KDM5D: variants seen among roughly 807,000 people sequenced by gnomAD.
KDM5D encodes lysine-specific demethylase 5D.
A neutral mutation model predicts 31.9 loss-of-function variants in KDM5D; 25 were observed. The observed-to-expected ratio is 0.78, with a 90% CI of 0.57 to 1.09. The LOEUF is 1.09. Ranked by LOEUF, KDM5D falls within the 50% of genes least tolerant of loss-of-function variation. KDM5D has a pLI of 0.00. For synonymous variants in KDM5D, 146 were observed against 122.3 expected (o/e 1.19, Z -1.28); for missense variants, 366 against 341.6 (o/e 1.07, Z -0.56).
chrY:19,729,214 C>CA (rs2045456215), intron 11 of KDM5D, among the ~76,000 whole-genome samples: 1 of 27,826 alleles, frequency 3.6e-5, no homozygotes, highest in African/African-American at 1.4e-4. Flanking sequence ...GACTGCGTCT[C>CA]AAAAAAAAAT....
chrY:19,707,349 T>C lies in KDM5D; in HGVS notation c.3797A>G (p.Gln1266Arg). ...PVRLPEGEAL[Q>R]CLTERAIGWQ... ...GCCAATGGCCCTCTCTGTGAGACACTGAAGGGCCTCACCCTCAGGCAGCCG... is the reference window on the plus strand; with the variant it reads ...GCCAATGGCCCTCTCTGTGAGACACCGAAGGGCCTCACCCTCAGGCAGCCG... The change falls in exon 24 of 27, where the codon CAG becomes CGG. Residue 1266 changes from glutamine (Q) to arginine (R), a missense_variant. Physicochemically the swap from Gln to Arg is conservative, Grantham distance 43. Transcript: ENST00000317961. The C allele has an allele frequency of 5.1e-6, 2 of 395,640 alleles. No individual in the cohort carries two copies. The highest frequency in any genetic ancestry group is 7.1e-6 in the Non-Finnish European group (2 of 281,599).
In KDM5D at chrY:19,744,390, G is replaced by A; in HGVS notation, c.145C>T (p.Pro49Ser). Residue 49 changes from proline (P) to serine (S), a missense_variant, in exon 2 of 27, where the codon CCC becomes TCC. Pro to Ser is a moderately conservative substitution (Grantham distance 74, BLOSUM62 -1). Transcript: ENST00000317961. The stretch of plus-strand genomic sequence containing the variant: ...ATTTTGTTTCAAAGACTTACCGCGG[G>A]TGGGCGGATTTTGCAGATGCCAGAC... ...EKSGICKIRP[P>S]ADWQPPFAVE... The A allele has an allele frequency of 2.6e-6, 1 of 389,317 alleles. No homozygotes were observed. Among genetic ancestry groups the A allele is most frequent in the Non-Finnish European group, 3.6e-6 (1 of 278,103 alleles).
At position 19,732,584 on chromosome Y, in the gene KDM5D, C is replaced by T; in HGVS notation, c.1092G>A (p.Ala364=). 2.6e-6 allele frequency: 1 copy of T among 387,897 alleles called. No homozygotes were observed. Among genetic ancestry groups the T allele is most frequent in the Non-Finnish European group, 3.6e-6 (1 of 278,528 alleles). The change falls in exon 9 of 27, where the codon GCG becomes GCA. Residue 364 remains alanine, a splice_region_variant and synonymous_variant. Coordinates refer to ENST00000317961, the MANE Select transcript of KDM5D (RefSeq NM_004653.5). Reference sequence around the variant, plus strand: ...AGCATCTGTGACAGACAGATCTTACCGCCAAGATACATTTTGGGCACCTCC... The same window carrying T: ...AGCATCTGTGACAGACAGATCTTACTGCCAAGATACATTTTGGGCACCTCC... ...GIWRCPKCIL[A]ECKQPPEAFG... is the part of the protein sequence containing the mutation.
At chrY:19,732,974 T>A in intron 8 of KDM5D, among the ~76,000 whole-genome samples, 2 of 32,881 alleles carry the variant, frequency 6.1e-5, no homozygotes, top group African/African-American at 1.2e-4. Context: ...TTCAACGGCG[T>A]AAACAAAAAT....
Position 19,705,152 on chromosome Y carries a change from G to C in KDM5D, c.*843C>G. 5.9e-5 allele frequency: 2 copies of C among 33,766 alleles called. No individual in the cohort carries two copies. The highest frequency in any genetic ancestry group is 2.3e-4 in the African/African-American group (2 of 8,652). The allele number at this position is 33,766 out of a possible 400,897, so 8.4% of individuals were successfully genotyped here. A position where few individuals can be genotyped will look rare whatever the true frequency, so the allele number is the denominator to read the frequency against. ...CAAGTTAACTCAGATATTGGCACAT[G>C]CAAGTCCAGCCAACAGATTTTCAAT... is the stretch of plus-strand genomic sequence containing the variant. On this transcript the variant is annotated 3_prime_UTR_variant, in exon 27 of 27. Transcript: ENST00000317961.
chrY:19,706,660 G>T lies in KDM5D; in HGVS notation c.4070-20C>A. ...CCAGGTCTGGGCGGAAGGTGGTGCG[G>T]TGAAAGGTGCAGGGACAGACTGGGT... On this transcript the variant is annotated intron_variant, in intron 25 of 26. Transcript: ENST00000317961. 2.5e-6 allele frequency: 1 copy of T among 394,905 alleles called. No homozygotes were observed. Among genetic ancestry groups the T allele is most frequent in the Non-Finnish European group, 3.6e-6 (1 of 280,194 alleles).
chrY:19,725,311 A>C (rs2045422551), intron 11 of KDM5D, among the ~76,000 whole-genome samples: 1 of 33,571 alleles, frequency 3.0e-5, no homozygotes, highest in African/African-American at 1.2e-4. Context: ...ACTTCAAACT[A>C]TAGTACAAGG....
At chrY:19,720,207 A>G (rs920109391) in intron 13 of KDM5D, among the ~76,000 whole-genome samples, 2 of 33,071 alleles carry the variant, frequency 6.0e-5, no homozygotes, top group African/African-American at 2.4e-4. Flanking sequence ...TCATCAATAT[A>G]TTTTTCTTGT....
intron 11 of KDM5D, among the ~76,000 whole-genome samples, chrY:19,731,424 C>T: frequency 3.0e-5 from 1 of 33,464 alleles, no homozygotes; most frequent in Admixed American, 2.7e-4. Flanking sequence ...TTCCGCCCTT[C>T]CAAATATTTC....
chrY:19,710,347 G>A, intron 19 of KDM5D, 29 bp downstream of exon 19: 1 of 368,381 alleles, frequency 2.7e-6, no homozygotes, highest in East Asian at 1.0e-4. Context: ...CTGTTAACAA[G>A]AATTCCACCT....
At chrY:19,734,225 G>A in intron 8 of KDM5D, among the ~76,000 whole-genome samples, 3 of 33,447 alleles carry the variant, frequency 9.0e-5, no homozygotes, top group African/African-American at 3.5e-4. Context: ...GTCTACATAC[G>A]TTACCTAGAA....
chrY:19,740,959 C>T (rs899206259), intron 5 of KDM5D, among the ~76,000 whole-genome samples: 3 of 32,800 alleles, frequency 9.1e-5, no homozygotes, highest in Admixed American at 2.8e-4. Flanking sequence ...CCAGCCTGGG[C>T]AACACAGCAA....
Position 19,715,866 on chromosome Y carries a change from T to C in KDM5D, c.2170A>G (p.Ile724Val). Reference sequence around the variant, plus strand: ...CTAGAGCACTTGCAGAGGTCATTGATGTGGGAAAGGCATACAAGGCCATCT... The same window carrying C: ...CTAGAGCACTTGCAGAGGTCATTGACGTGGGAAAGGCATACAAGGCCATCT... ...CPDGLVCLSH[I>V]NDLCKCSSSR... The change falls in exon 16 of 27, where the codon ATC (isoleucine) becomes GTC (valine). Residue 724 changes from isoleucine (I) to valine (V), a missense_variant. Physicochemically the swap from Ile to Val is conservative, Grantham distance 29 (BLOSUM62 3). Coordinates refer to ENST00000317961, the MANE Select transcript of KDM5D (RefSeq NM_004653.5). 2 of 398,909 alleles carry C rather than the reference T, an allele frequency of 5.0e-6. No homozygotes were observed. Among genetic ancestry groups the C allele is most frequent in the East Asian group, 9.2e-5 (1 of 10,846 alleles).
intron 13 of KDM5D, among the ~76,000 whole-genome samples, chrY:19,717,239 T>G: frequency 3.0e-5 from 1 of 33,821 alleles, no homozygotes; most frequent in African/African-American, 1.2e-4. Flanking sequence ...AAGCAGCTAC[T>G]GTGGGAAAGC....
intron 3 of KDM5D, 77 bp from the exon 4 acceptor site, chrY:19,741,934 A>G (rs2045556581): frequency 4.3e-6 from 1 of 233,444 alleles, no homozygotes; most frequent in Non-Finnish European, 6.5e-6. Context: ...ATGAACAAGT[A>G]TTATTCTATG....
At chrY:19,738,493 C>A (rs2045524918) in intron 6 of KDM5D, among the ~76,000 whole-genome samples, 3 of 33,733 alleles carry the variant, frequency 8.9e-5, no homozygotes, top group Non-Finnish European at 2.2e-4. Context: ...TAAGGTATTT[C>A]AGAAATAAAA....
chrY:19,728,162 A>G, intron 11 of KDM5D, among the ~76,000 whole-genome samples: 1 of 33,155 alleles, frequency 3.0e-5, no homozygotes, highest in Non-Finnish European at 7.4e-5. Flanking sequence ...ACTAAAAGAG[A>G]TATTATAGCA....
At chrY:19,716,811 A>G in intron 13 of KDM5D, 96 bp from the exon 14 acceptor site, 1 of 232,809 alleles carries the variant, frequency 4.3e-6, no homozygotes, top group South Asian at 3.8e-5. Flanking sequence ...CAGATGTAGG[A>G]AGAGTGGAAA....
In KDM5D at chrY:19,709,564, C is replaced by G; in HGVS notation, c.2829G>C (p.Met943Ile). The G allele has an allele frequency of 2.5e-5, 10 of 398,910 alleles. No individual in the cohort carries two copies. The highest frequency in any genetic ancestry group is 3.2e-5 in the Non-Finnish European group (9 of 283,564). ...SLVIMQGLLV[M>I]GAKIASSPSV... ...AAGGGCTGGAGGCTATCTTGGCACC[C>G]ATAACCAAAAGCCCCTGCATGATGA... The change falls in exon 20 of 27, where the codon ATG (methionine) becomes ATC (isoleucine). Residue 943 changes from methionine to isoleucine, a missense_variant. Physicochemically the swap from Met to Ile is conservative, Grantham distance 10. Transcript: ENST00000317961.
Sources: gnomAD v4.1 joint callset for allele counts (sites outside exome capture counted in the v4.1 genomes callset) on GRCh38, gnomAD v4.1.1 for gene constraint, MANE v1.5 for transcripts, NCBI Gene and HGNC (gene_info 2026-07-23, HGNC 2026-07-21) for gene names.